Variants in ZFYVE16 observed in about 807,000 individuals in gnomAD.
ZFYVE16 encodes zinc finger FYVE-type containing 16.
ZFYVE16 carries 89 observed loss-of-function variants against 138.1 expected under a neutral mutation model. The observed-to-expected ratio is 0.64, with a 90% CI of 0.54 to 0.77. The LOEUF (loss-of-function observed/expected upper bound fraction) is 0.77, where lower values mean the gene tolerates loss of function less well. Ranked by LOEUF, ZFYVE16 falls within the 30% of genes least tolerant of loss-of-function variation. The pLI is 0.00. For synonymous variants in ZFYVE16, 596 were observed against 618.3 expected, an observed-to-expected ratio of 0.96 and a Z score of 0.53; for missense variants, 1,793 against 1,786.7, an observed-to-expected ratio of 1.00 and a Z score of -0.06.
intron 3 of ZFYVE16, among the ~76,000 whole-genome samples, 167 bp from the exon 4 acceptor site, chr5:80,436,589 C>G (rs1749941259): frequency 6.6e-6 from 1 of 152,076 alleles, no homozygotes; most frequent in Non-Finnish European, 1.5e-5. Context: ...AATAAATGCT[C>G]TAAAGGAAAT....
Position 80,430,104 on chromosome 5 carries a change from C to A in ZFYVE16, c.-40+2559C>A, listed in dbSNP as rs187025851. ...CCAAGCGGACGTAATAGACATCTAC[C>A]GAACTCTCCACCCCAAATCAACAGA... On this transcript the variant is annotated intron_variant, in intron 2 of 18. Transcript: ENST00000505560. Among the ~76,000 whole-genome samples the A allele has an allele frequency of 2.0e-3, 311 of 152,204 alleles. 2 individuals carry two copies. The highest frequency in any genetic ancestry group is 7.1e-3 in the African/African-American group (294 of 41,524).
chr5:80,422,210 G>GTTTT (rs1321262903), intron 1 of ZFYVE16, among the ~76,000 whole-genome samples: 1 of 152,140 alleles, frequency 6.6e-6, no homozygotes, highest in African/African-American at 2.4e-5. Context: ...AGACAATAGG[G>GTTTT]TTTTCTATAT....
At chr5:80,443,768 C>T (rs774944139) in intron 6 of ZFYVE16, 1 of 456,266 alleles carries the variant, frequency 2.2e-6, no homozygotes, top group South Asian at 1.5e-5. Flanking sequence ...CTTCTTATTT[C>T]TTCCCACCTT....
At chr5:80,462,598 C>T (rs1292832166) in intron 15 of ZFYVE16, among the ~76,000 whole-genome samples, 1 of 152,160 alleles carries the variant, frequency 6.6e-6, no homozygotes, top group African/African-American at 2.4e-5. Flanking sequence ...CCCCTGGCCC[C>T]TCCCAAATCT....
At chr5:80,449,914 G>A (rs1183379937) in intron 9 of ZFYVE16, among the ~76,000 whole-genome samples, 1 of 152,004 alleles carries the variant, frequency 6.6e-6, no homozygotes, top group African/African-American at 2.4e-5. Context: ...ATTTTTATTA[G>A]CATCCCTGTC....
Position 80,438,193 on chromosome 5 carries a change from T to C in ZFYVE16, c.1508T>C (p.Phe503Ser), listed in dbSNP as rs1347070865. The C allele has an allele frequency of 3.1e-6, 5 of 1,613,986 alleles. No homozygotes were observed. The highest frequency in any genetic ancestry group is 2.5e-6 in the Non-Finnish European group (3 of 1,179,946). The change falls in exon 4 of 19, where the codon TTT becomes TCT. Residue 503 changes from phenylalanine to serine, a missense_variant. Physicochemically the swap from Phe to Ser is radical, Grantham distance 155 (BLOSUM62 -2). Coordinates refer to ENST00000505560, the MANE Select transcript of ZFYVE16 (RefSeq NM_001284236.3). ...SDCCEGFINT[F>S]SSNDMDGQDL... ...TGTTGTGAAGGTTTTATTAATACTT[T>C]TTCAAGCAATGATATGGATGGGCAA...
At chr5:80,455,034 C>G (rs766822315) in intron 11 of ZFYVE16, 2 of 152,280 alleles carry the variant, frequency 1.3e-5, no homozygotes, top group Non-Finnish European at 2.9e-5. Context: ...GAAATACTCT[C>G]GAATCAGACA....
intron 5 of ZFYVE16, chr5:80,441,797 C>T: frequency 2.0e-6 from 2 of 985,330 alleles, no homozygotes; most frequent in Non-Finnish European, 1.2e-6. Context: ...TGCCATCATT[C>T]AGTGGCACTT....
At chr5:80,455,666 A>C in intron 11 of ZFYVE16, 26 bp from the exon 12 acceptor site, 1 of 1,585,722 alleles carries the variant, frequency 6.3e-7, no homozygotes, top group Non-Finnish European at 8.6e-7. Flanking sequence ...TGTTGATAGT[A>C]ACCAGTTTTC....
chr5:80,473,958 T>TAAAAAG, intron 17 of ZFYVE16, 99 bp downstream of exon 17: 1 of 808,842 alleles, frequency 1.2e-6, no homozygotes, highest in Non-Finnish European at 2.0e-6. Context: ...TATGCATAGC[T>TAAAAAG]TATTATACTT....
intron 11 of ZFYVE16, 116 bp downstream of exon 11, chr5:80,451,825 T>G (rs1300294869): frequency 9.5e-7 from 1 of 1,056,952 alleles, no homozygotes; most frequent in African/African-American, 1.6e-5. Flanking sequence ...TTTGTTTTGC[T>G]ATGCTTTTAA....
intron 5 of ZFYVE16, chr5:80,441,805 C>G (rs2112404357): frequency 1.0e-6 from 1 of 985,346 alleles, no homozygotes; most frequent in East Asian, 1.1e-4. Flanking sequence ...TTCAGTGGCA[C>G]TTGAGGAAGA....
intron 15 of ZFYVE16, among the ~76,000 whole-genome samples, chr5:80,459,899 C>T (rs965144394): frequency 2.6e-5 from 4 of 152,092 alleles, no homozygotes; most frequent in African/African-American, 4.8e-5. Flanking sequence ...TCATTTTAAA[C>T]GCTATTAAAT....
chr5:80,434,364 A>G (rs1749565898), intron 3 of ZFYVE16, 147 bp downstream of exon 3: 4 of 730,796 alleles, frequency 5.5e-6, no homozygotes, highest in Non-Finnish European at 9.1e-6. Flanking sequence ...TCATAATAAG[A>G]TGTTAGTTGA....
In ZFYVE16 at chr5:80,422,603, C is replaced by T. The variant is rs561724790; in HGVS notation, c.-93-4889C>T. On this transcript the variant is annotated intron_variant, in intron 1 of 18. Coordinates refer to ENST00000505560, the MANE Select transcript of ZFYVE16 (RefSeq NM_001284236.3). ...CTGAGTAGCTGGGATTACAGGTGCC[C>T]GCCACCATGCCAGGCTAATTTTTTT... Among the ~76,000 whole-genome samples, 203 of 151,982 alleles carry T rather than the reference C, an allele frequency of 1.3e-3. 1 individual carries two copies. Among genetic ancestry groups the T allele is most frequent in the African/African-American group, 4.8e-3 (200 of 41,444 alleles).
At chr5:80,462,062 C>T (rs866317480) in intron 15 of ZFYVE16, among the ~76,000 whole-genome samples, 10 of 152,134 alleles carry the variant, frequency 6.6e-5, no homozygotes, top group African/African-American at 2.2e-4. Context: ...CTTAAAGGCC[C>T]AACTCCAAAT....
intron 1 of ZFYVE16, among the ~76,000 whole-genome samples, chr5:80,417,630 C>T (rs563777622): frequency 2.6e-5 from 4 of 152,198 alleles, no homozygotes; most frequent in South Asian, 2.1e-4. Flanking sequence ...AAGATTCACT[C>T]GTGTTTTTGT....
At chr5:80,430,347 C>T (rs960992636) in intron 2 of ZFYVE16, among the ~76,000 whole-genome samples, 2 of 151,148 alleles carry the variant, frequency 1.3e-5, no homozygotes, top group South Asian at 2.1e-4. Flanking sequence ...CTACTGGGTA[C>T]GTAACGAAAT....
At chr5:80,441,374 C>T (rs1459356538) in intron 5 of ZFYVE16, 1 of 985,196 alleles carries the variant, frequency 1.0e-6, no homozygotes, top group African/African-American at 1.7e-5. Context: ...AAAGAAAATA[C>T]TGTGGAATGA....
Sources: gnomAD v4.1 joint callset for allele counts (sites outside exome capture counted in the v4.1 genomes callset) on GRCh38, gnomAD v4.1.1 for gene constraint, MANE v1.5 for transcripts, NCBI Gene and HGNC (gene_info 2026-07-23, HGNC 2026-07-21) for gene names.